Variants in THAP12 observed in about 807,000 individuals in gnomAD.
THAP12 encodes 52 kDa repressor of the inhibitor of the protein kinase.
A neutral mutation model predicts 63.0 loss-of-function variants in THAP12; 20 were observed. The observed-to-expected ratio is 0.32, with a 90% CI of 0.22 to 0.46. The LOEUF (loss-of-function observed/expected upper bound fraction) is 0.46, where lower values mean the gene tolerates loss of function less well. THAP12 is among the 20% of genes least tolerant of loss of function. The pLI, the probability that THAP12 is intolerant of heterozygous loss-of-function variation, is 1.00. For synonymous variants in THAP12, 264 were observed against 328.4 expected (o/e 0.80, Z 2.12); for missense variants, 568 against 908.2 (o/e 0.63, Z 4.81).
At chr11:76,354,003 C>T (rs2618063) in intron 4 of THAP12, among the ~76,000 whole-genome samples, 28,989 of 152,082 alleles carry the variant, frequency 0.19, 3,339 homozygotes, top group Admixed American at 0.32. Flanking sequence ...AGTGAGACTC[C>T]GTCTCAAAAA....
rs537231125 is a variant in THAP12 at position 76,359,758 on chromosome 11, T to G, written c.318+1198A>C. ...AGGAGAATTGCTGGAAACCGGGAGG[T>G]GGAGGTTGCAGTGAGCCAAGATCAT... On this transcript the variant is annotated intron_variant, in intron 3 of 4. Transcript: ENST00000260045. Among the ~76,000 whole-genome samples, 513 of 146,656 alleles carry G rather than the reference T, an allele frequency of 3.5e-3. 3 individuals carry two copies. The highest frequency in any genetic ancestry group is 0.012 in the African/African-American group (482 of 39,414).
chr11:76,356,280 G>A (rs982286103), intron 3 of THAP12: 1 of 152,292 alleles, frequency 6.6e-6, no homozygotes, highest in Non-Finnish European at 1.5e-5. Context: ...TGGCAGAAAA[G>A]CAGCAATGCC....
Position 76,351,516 on chromosome 11 carries a change from T to G in THAP12, c.1634A>C (p.Lys545Thr), listed in dbSNP as rs551627054. The change falls in exon 5 of 5, where the codon AAA (lysine) becomes ACA (threonine). Residue 545 changes from lysine to threonine, a missense_variant. Transcript: ENST00000260045. ...AGGGAGTTTCATTTGAATATCAAGTTTGGTTGCCAAATTTGTGGCTTCCTC... is the reference window on the plus strand; with the variant it reads ...AGGGAGTTTCATTTGAATATCAAGTGTGGTTGCCAAATTTGTGGCTTCCTC... ...WFEEATNLAT[K>T]LDIQMKLPGK... The G allele has an allele frequency of 6.4e-5, 100 of 1,554,476 alleles. No individual in the cohort carries two copies. The highest frequency in any genetic ancestry group is 8.3e-5 in the Non-Finnish European group (95 of 1,151,100).
chr11:76,359,925 C>T (rs1946587391), intron 3 of THAP12, among the ~76,000 whole-genome samples: 1 of 151,928 alleles, frequency 6.6e-6, no homozygotes, highest in Non-Finnish European at 1.5e-5. Flanking sequence ...AGATATATTA[C>T]AATGCCATGG....
chr11:76,353,240 A>T (rs946591712), intron 4 of THAP12, among the ~76,000 whole-genome samples: 1 of 152,332 alleles, frequency 6.6e-6, no homozygotes. Context: ...ATGACAGTCC[A>T]TGCCCTCAGA....
At chr11:76,375,234 A>G (rs1946701198) in intron 1 of THAP12, among the ~76,000 whole-genome samples, 1 of 152,106 alleles carries the variant, frequency 6.6e-6, no homozygotes, top group African/African-American at 2.4e-5. Context: ...CCTGAGGAGG[A>G]AGAAGAGAGC....
intron 3 of THAP12, among the ~76,000 whole-genome samples, chr11:76,359,956 G>A (rs1946587639): frequency 6.6e-6 from 1 of 152,202 alleles, no homozygotes; most frequent in South Asian, 2.1e-4. Context: ...GTGTGGTATA[G>A]TTGCAAACAA....
In THAP12 at chr11:76,371,810, CTTTTTTTT is replaced by C. The variant is rs71036086; in HGVS notation, c.90-5846_90-5839del. Among the ~76,000 whole-genome samples the C allele has an allele frequency of 9.5e-3, 626 of 65,786 alleles. 5 individuals are homozygous for C. The highest frequency in any genetic ancestry group is 0.021 in the African/African-American group (346 of 16,508). 43.2% of individuals were successfully genotyped at this position (65,786 alleles called of 152,430 possible). On this transcript the variant is annotated intron_variant, in intron 1 of 4. Transcript: ENST00000260045. The stretch of plus-strand genomic sequence containing the variant: ...AGATTTTATTTCATTTTTAACTTTT[CTTTTTTTT>C]TTTTTTTTTTTTTGGTGGAGTCTTG...
chr11:76,365,805 G>C (rs1266227308), intron 2 of THAP12, 47 bp downstream of exon 2: 2 of 1,584,714 alleles, frequency 1.3e-6, no homozygotes, highest in African/African-American at 1.4e-5. Context: ...CAGTGAGAGA[G>C]AGAAATCAAG....
In THAP12 at chr11:76,365,866, T is replaced by C. The variant is rs766091473; in HGVS notation, c.196A>G (p.Met66Val). 14 of 1,612,990 alleles carry C rather than the reference T, an allele frequency of 8.7e-6. No individual in the cohort carries two copies. The highest frequency in any genetic ancestry group is 1.3e-5 in the African/African-American group (1 of 75,014). The change falls in exon 2 of 5, where the codon ATG becomes GTG. Residue 66 changes from methionine to valine, a missense_variant. Met to Val is a conservative substitution (Grantham distance 21, BLOSUM62 1). Transcript: ENST00000260045. Reference protein sequence around the residue: ...RLCAKHFETSMICRTSPYRTV... With the variant: ...RLCAKHFETSVICRTSPYRTV... The stretch of plus-strand genomic sequence containing the variant: ...CTATTACTCACAGTTCTACAGATCA[T>C]AGAGGTCTCAAAATGTTTGGCACAT...
chr11:76,358,621 A>G (rs1416942153), intron 3 of THAP12: 1 of 152,094 alleles, frequency 6.6e-6, no homozygotes, highest in Admixed American at 6.6e-5. Flanking sequence ...ACTGGGCAAC[A>G]TGGCATGACT....
intron 2 of THAP12, among the ~76,000 whole-genome samples, chr11:76,362,692 T>C (rs1400757998): frequency 6.6e-6 from 1 of 152,220 alleles, no homozygotes; most frequent in African/African-American, 2.4e-5. Flanking sequence ...CAGTCAATTC[T>C]TGATATCTTA....
chr11:76,365,311 A>G (rs1027091735), intron 2 of THAP12, among the ~76,000 whole-genome samples: 1 of 150,964 alleles, frequency 6.6e-6, no homozygotes, highest in African/African-American at 2.4e-5. Flanking sequence ...AAAAAAAAAA[A>G]GTAGTTACCT....
At chr11:76,377,903 C>T (rs1946722678) in intron 1 of THAP12, among the ~76,000 whole-genome samples, 1 of 152,120 alleles carries the variant, frequency 6.6e-6, no homozygotes, top group Non-Finnish European at 1.5e-5. Context: ...GAAAGAAGTC[C>T]TTTGCCTATT....
chr11:76,372,814 G>C (rs1946683775), intron 1 of THAP12, among the ~76,000 whole-genome samples: 1 of 152,052 alleles, frequency 6.6e-6, no homozygotes, highest in African/African-American at 2.4e-5. Context: ...TTGAGCCTGG[G>C]AGATGGAGAC....
At chr11:76,369,980 T>C (rs1159590262) in intron 1 of THAP12, among the ~76,000 whole-genome samples, 5 of 152,228 alleles carry the variant, frequency 3.3e-5, no homozygotes, top group Non-Finnish European at 7.3e-5. Context: ...GCCCTTCTAG[T>C]GAATCTTTAA....
intron 2 of THAP12, among the ~76,000 whole-genome samples, chr11:76,362,828 G>GAA (rs199813527): frequency 6.6e-6 from 1 of 152,056 alleles, no homozygotes; most frequent in African/African-American, 2.4e-5. Flanking sequence ...ATGTATGAAT[G>GAA]AAAAAAATGA....
chr11:76,365,802 A>G, intron 2 of THAP12, 50 bp downstream of exon 2: 1 of 1,578,822 alleles, frequency 6.3e-7, no homozygotes, highest in African/African-American at 1.4e-5. Context: ...ACACAGTGAG[A>G]GAGAGAAATC....
At chr11:76,378,026 T>G (rs867917049) in intron 1 of THAP12, among the ~76,000 whole-genome samples, 9 of 152,378 alleles carry the variant, frequency 5.9e-5, no homozygotes, top group African/African-American at 2.2e-4. Flanking sequence ...TTCTTTTCAC[T>G]TTCTTGGTAA....
Sources: gnomAD v4.1 joint callset for allele counts (sites outside exome capture counted in the v4.1 genomes callset) on GRCh38, gnomAD v4.1.1 for gene constraint, MANE v1.5 for transcripts, NCBI Gene and HGNC (gene_info 2026-07-23, HGNC 2026-07-21) for gene names.